RARB: variants seen among roughly 807,000 people sequenced by gnomAD.
RARB encodes HBV-activated protein.
Under a neutral mutation model 51.9 loss-of-function variants are expected in RARB, and 17 were observed. The ratio of observed to expected loss-of-function variants is 0.33; its 90% CI spans 0.22 to 0.49. The LOEUF is 0.49. RARB is among the 20% of genes least tolerant of loss of function. The pLI is 0.99. For missense variants in RARB, 369 were observed against 550.8 expected (o/e 0.67, Z 3.30); for synonymous variants, 215 against 195.4 (o/e 1.10, Z -0.84).
chr3:24,897,767 T>C (rs1703509698), intron 2 of RARB, among the ~76,000 whole-genome samples: 1 of 148,020 alleles, frequency 6.8e-6, no homozygotes, highest in Admixed American at 6.8e-5. Context: ...TTTTTTTTTC[T>C]TAAATGTTTT....
At chr3:25,586,231 C>T (rs984520337) in intron 5 of RARB, among the ~76,000 whole-genome samples, 1 of 152,072 alleles carries the variant, frequency 6.6e-6, no homozygotes, top group African/African-American at 2.4e-5. Context: ...AGCTGAAATG[C>T]CATCTCTTCA....
At chr3:25,351,341 C>T (rs761447878) in intron 5 of RARB, among the ~76,000 whole-genome samples, 1 of 151,746 alleles carries the variant, frequency 6.6e-6, no homozygotes, top group African/African-American at 2.4e-5. Flanking sequence ...TTTGAAAATT[C>T]GGTATAATTT....
At chr3:25,145,664 A>T (rs1700176462) in intron 4 of RARB, among the ~76,000 whole-genome samples, 1 of 152,056 alleles carries the variant, frequency 6.6e-6, no homozygotes, top group African/African-American at 2.4e-5. Context: ...CTCCTGACTT[A>T]TTACTAGCTA....
intron 2 of RARB, among the ~76,000 whole-genome samples, chr3:25,034,310 A>G (rs1396396878): frequency 6.6e-6 from 1 of 152,210 alleles, no homozygotes; most frequent in Non-Finnish European, 1.5e-5. Flanking sequence ...ACCTTGTCAC[A>G]AGAAAAAAAG....
At chr3:24,914,681 T>C (rs1695069071) in intron 2 of RARB, among the ~76,000 whole-genome samples, 1 of 152,218 alleles carries the variant, frequency 6.6e-6, no homozygotes, top group Admixed American at 6.5e-5. Context: ...TAATAGTTGT[T>C]ACACTGTATT....
At chr3:24,974,315 G>A (rs566271442) in intron 2 of RARB, among the ~76,000 whole-genome samples, 7 of 152,036 alleles carry the variant, frequency 4.6e-5, no homozygotes, top group African/African-American at 1.4e-4. Context: ...TTTTTTAAAC[G>A]CATTGTTGAA....
At chr3:25,205,868 CAGTT>C (rs1390921062) in intron 5 of RARB, among the ~76,000 whole-genome samples, 1 of 151,996 alleles carries the variant, frequency 6.6e-6, no homozygotes, top group African/African-American at 2.4e-5. Context: ...TCAGCTTCCT[CAGTT>C]AGTTAGGACT....
intron 5 of RARB, among the ~76,000 whole-genome samples, chr3:25,586,683 T>C (rs1559480931): frequency 6.6e-6 from 1 of 152,154 alleles, no homozygotes; most frequent in Admixed American, 6.5e-5. Flanking sequence ...GACTTCAAAA[T>C]GTGATTTGTG....
At chr3:25,294,054 C>T (rs890615986) in intron 5 of RARB, among the ~76,000 whole-genome samples, 5 of 152,172 alleles carry the variant, frequency 3.3e-5, no homozygotes, top group Middle Eastern at 3.4e-3. Context: ...GGATGTTCAC[C>T]GAAGGATTCA....
chr3:25,052,356 A>T (rs1698349621), intron 2 of RARB, among the ~76,000 whole-genome samples: 3 of 152,232 alleles, frequency 2.0e-5, no homozygotes, highest in Admixed American at 2.0e-4. Context: ...TGAGATACAG[A>T]GAAGTACAAT....
At position 25,356,666 on chromosome 3, in the gene RARB, C is replaced by A. The variant is rs146262930; in HGVS notation, c.179-104527C>A. On this transcript the variant is annotated intron_variant, in intron 5 of 11. Transcript: ENST00000383772. ...TCTCCTGATGCTGTCACTCCCCTTG[C>A]CCCCCATTCCCTGACAGGCCCTGAA... 1.4e-4 allele frequency among the ~76,000 whole-genome samples: 21 copies of A among 152,196 alleles called. No individual in the cohort carries two copies. In the East Asian group the frequency reaches 3.3e-3, roughly 24 times the overall value.
rs139610417 is a variant in RARB at position 25,412,903 on chromosome 3, C to T, written c.179-48290C>T. ...GCATGGTGGCGCATGCCTGTAATCC[C>T]ACCTATTCAGGAGGCTGAGGCAGGA... is the stretch of plus-strand genomic sequence containing the variant. On this transcript the variant is annotated intron_variant, in intron 5 of 11. Transcript: ENST00000383772. 6.2e-4 allele frequency among the ~76,000 whole-genome samples: 94 copies of T among 152,232 alleles called. 1 individual carries two copies. In the East Asian group the frequency reaches 0.014, roughly 23 times the overall value.
intron 3 of RARB, among the ~76,000 whole-genome samples, chr3:25,089,630 C>T (rs890929006): frequency 4.6e-5 from 7 of 152,032 alleles, no homozygotes; most frequent in Non-Finnish European, 8.8e-5. Flanking sequence ...TTTTTTCATG[C>T]GCCTATTGAT....
intron 5 of RARB, among the ~76,000 whole-genome samples, chr3:25,384,611 C>T (rs962182576): frequency 6.6e-6 from 1 of 152,194 alleles, no homozygotes; most frequent in African/African-American, 2.4e-5. Flanking sequence ...GGACTGGCTT[C>T]TCTTTCTCTA....
chr3:25,063,797 T>A (rs12715065), intron 3 of RARB, among the ~76,000 whole-genome samples: 106,918 of 151,280 alleles, frequency 0.71, 37,874 homozygotes, highest in East Asian at 0.83. Flanking sequence ...ATTTTCAGAC[T>A]CAGCTTCAAG....
chr3:25,039,400 G>C (rs1162336711), intron 2 of RARB, among the ~76,000 whole-genome samples: 1 of 152,098 alleles, frequency 6.6e-6, no homozygotes, highest in Non-Finnish European at 1.5e-5. Context: ...GGGAAAGCTT[G>C]GTAAGAAGTT....
chr3:25,424,063 C>G (rs1316641677), upstream of RARB, among the ~76,000 whole-genome samples: 1 of 152,004 alleles, frequency 6.6e-6, no homozygotes, highest in African/African-American at 2.4e-5. Context: ...TTGTGTGTAA[C>G]CAAGTAGGAA....
intron 2 of RARB, among the ~76,000 whole-genome samples, chr3:25,028,862 G>A (rs367758792): frequency 2.6e-5 from 4 of 152,190 alleles, no homozygotes; most frequent in Middle Eastern, 3.2e-3. Context: ...TACTTGTCCC[G>A]TTCTGGGGCT....
chr3:25,206,803 C>T (rs1352680084), intron 5 of RARB, among the ~76,000 whole-genome samples: 1 of 152,162 alleles, frequency 6.6e-6, no homozygotes, highest in Admixed American at 6.5e-5. Context: ...TTTCTCCAAA[C>T]CCTGACTACT....
Sources: gnomAD v4.1 joint callset for allele counts (sites outside exome capture counted in the v4.1 genomes callset) on GRCh38, gnomAD v4.1.1 for gene constraint, MANE v1.5 for transcripts, NCBI Gene and HGNC (gene_info 2026-07-23, HGNC 2026-07-21) for gene names.